TIPARP: variants seen among roughly 807,000 people sequenced by gnomAD.
TIPARP encodes protein mono-ADP-ribosyltransferase TIPARP.
Under a neutral mutation model 56.5 loss-of-function variants are expected in TIPARP, and 12 were observed. That is an observed-to-expected ratio of 0.21 (90% CI 0.14 to 0.34). TIPARP has a LOEUF of 0.34. Ranked by LOEUF, TIPARP falls within the 10% of genes least tolerant of loss-of-function variation. The probability of loss-of-function intolerance (pLI) is 1.00; values close to 1 mark genes in which losing one functional copy is unlikely to be tolerated. For synonymous variants in TIPARP, 296 were observed against 265.7 expected, an observed-to-expected ratio of 1.11 and a Z score of -1.11; for missense variants, 604 against 781.6, an observed-to-expected ratio of 0.77 and a Z score of 2.71.
chr3:156,702,217 A>G (rs1722867579), intron 4 of TIPARP, among the ~76,000 whole-genome samples: 1 of 152,192 alleles, frequency 6.6e-6, no homozygotes, highest in African/African-American at 2.4e-5. Context: ...GTATGAAATT[A>G]GAAACTATCT....
rs1722181913 is a variant in TIPARP at position 156,677,783 on chromosome 3, T to G, written c.86T>G (p.Leu29Arg). 1 of 1,614,028 alleles carries G rather than the reference T, an allele frequency of 6.2e-7. No individual in the cohort carries two copies. Among genetic ancestry groups the G allele is most frequent in the Non-Finnish European group, 8.5e-7 (1 of 1,180,042 alleles). Residue 29 changes from leucine (L) to arginine (R), a missense_variant, in exon 2 of 6, where the codon CTC becomes CGC. Physicochemically the swap from Leu to Arg is moderately radical, Grantham distance 102. Around this residue, in one of 4 missense-constraint regions of TIPARP, gnomAD observed 261 missense variants for 279.2 expected, o/e 0.93. Coordinates refer to ENST00000295924, the MANE Select transcript of TIPARP (RefSeq NM_015508.5). The part of the protein sequence containing the change: ...PPDDFSCQMR[L>R]SEKITPLKTC... ...GATGACTTTTCATGCCAAATGAGAC[T>G]CTCTGAGAAGATCACTCCATTGAAG... is the stretch of plus-strand genomic sequence containing the variant.
chr3:156,684,153 A>C (rs1047700396), intron 2 of TIPARP, among the ~76,000 whole-genome samples: 2 of 152,224 alleles, frequency 1.3e-5, no homozygotes, highest in African/African-American at 4.8e-5. Flanking sequence ...TTCAAATTGG[A>C]CACTGTAAAA....
chr3:156,681,846 G>A (rs1346031697), intron 2 of TIPARP, among the ~76,000 whole-genome samples: 2 of 151,826 alleles, frequency 1.3e-5, no homozygotes, highest in East Asian at 3.9e-4. Context: ...TAGATGCTGA[G>A]GCTTCTTTTT....
At position 156,678,100 on chromosome 3, in the gene TIPARP, G is replaced by A. The variant is rs1361728193; in HGVS notation, c.403G>A (p.Val135Ile). ...TTCCACTGAAGCTCCAGAACGAGTG[G>A]TTCCAATCCAAGATCACAGCTTTCC... is the stretch of plus-strand genomic sequence containing the variant. ...HPSTEAPERV[V>I]PIQDHSFPSE... The change falls in exon 2 of 6, where the codon GTT (valine) becomes ATT (isoleucine). Residue 135 changes from valine to isoleucine, a missense_variant. Transcript: ENST00000295924. The A allele has an allele frequency of 6.2e-7, 1 of 1,614,100 alleles. No homozygotes were observed. The highest frequency in any genetic ancestry group is 8.5e-7 in the Non-Finnish European group (1 of 1,180,030).
At position 156,705,236 on chromosome 3, in the gene TIPARP, G is replaced by A; in HGVS notation, c.*105G>A. The A allele has an allele frequency of 2.5e-6, 2 of 798,608 alleles. No individual in the cohort carries two copies. The highest frequency in any genetic ancestry group is 3.7e-5 in the South Asian group (2 of 53,510). The allele number at this position is 798,608 out of a possible 1,614,324, so 49.5% of individuals were successfully genotyped here. A position where few individuals can be genotyped will look rare whatever the true frequency, so the allele number is the denominator to read the frequency against. On this transcript the variant is annotated 3_prime_UTR_variant, in exon 6 of 6. Transcript: ENST00000295924. ...GGGGAACAGCATTGGACATTAATAG[G>A]GCACTTTTCAGACCCATTTTTTAAA...
chr3:156,693,606 G>A (rs1003566097), intron 2 of TIPARP, among the ~76,000 whole-genome samples: 3 of 152,048 alleles, frequency 2.0e-5, no homozygotes, highest in Admixed American at 6.6e-5. Context: ...CAAGTAAACT[G>A]ATGGCCTCTG....
At chr3:156,696,909 A>G (rs1722727742) in intron 4 of TIPARP, among the ~76,000 whole-genome samples, 1 of 152,110 alleles carries the variant, frequency 6.6e-6, no homozygotes. Context: ...TTATATTCCT[A>G]CTGTTTTTAT....
chr3:156,679,581 A>T (rs976318318), intron 2 of TIPARP, among the ~76,000 whole-genome samples: 1 of 152,232 alleles, frequency 6.6e-6, no homozygotes, highest in Non-Finnish European at 1.5e-5. Flanking sequence ...GATTAAAATT[A>T]AAAGGGAGAG....
chr3:156,677,889 A>G lies in TIPARP; in HGVS notation c.192A>G (p.Leu64=), dbSNP rs1476200949. The G allele has an allele frequency of 1.2e-6, 2 of 1,614,050 alleles. No individual in the cohort carries two copies. The highest frequency in any genetic ancestry group is 8.5e-7 in the Non-Finnish European group (1 of 1,180,040). ...TGAGGCCAATATTAAACACTCTTCT[A>G]GAATCTGGCTCACTTGATGGGGTTT... The part of the protein sequence containing the change: ...RSLRPILNTL[L]ESGSLDGVFR... The change falls in exon 2 of 6, where the codon CTA becomes CTG. Residue 64 remains leucine (L), a synonymous_variant. Coordinates refer to ENST00000295924, the MANE Select transcript of TIPARP (RefSeq NM_015508.5).
At chr3:156,700,089 A>G (rs923369452) in intron 4 of TIPARP, among the ~76,000 whole-genome samples, 3 of 151,438 alleles carry the variant, frequency 2.0e-5, no homozygotes, top group Non-Finnish European at 4.4e-5. Flanking sequence ...TTATTTTTTT[A>G]TTTTTTATTT....
chr3:156,704,207 CAGAA>C (rs377241001), intron 5 of TIPARP, among the ~76,000 whole-genome samples: 93 of 152,212 alleles, frequency 6.1e-4, no homozygotes, highest in African/African-American at 2.1e-3. Flanking sequence ...AACTGAGTCA[CAGAA>C]AGCTTACTTT....
In TIPARP at chr3:156,705,495, T is replaced by G. The variant is rs1458571483; in HGVS notation, c.*364T>G. The G allele has an allele frequency of 5.9e-6, 1 of 168,952 alleles. No individual in the cohort carries two copies. Among genetic ancestry groups the G allele is most frequent in the African/African-American group, 2.4e-5 (1 of 41,686 alleles). The allele number at this position is 168,952 out of a possible 1,614,324, so 10.5% of individuals were successfully genotyped here. ...CTGGTAGAAGTTTGACCAAATGGAA[T>G]GGAGGCTGTGAGCAATGTGAGGATT... On this transcript the variant is annotated 3_prime_UTR_variant, in exon 6 of 6. Coordinates refer to ENST00000295924, the MANE Select transcript of TIPARP (RefSeq NM_015508.5).
At position 156,705,154 on chromosome 3, in the gene TIPARP, A is replaced by C; in HGVS notation, c.*23A>C. ...TGAAAAATCTTGGTACTGCTAAATT[A>C]TTTGATATGAACTCAATCCAGCATT... On this transcript the variant is annotated 3_prime_UTR_variant, in exon 6 of 6. Transcript: ENST00000295924. 3 of 1,263,856 alleles carry C rather than the reference A, an allele frequency of 2.4e-6. No homozygotes were observed. Among genetic ancestry groups the C allele is most frequent in the Non-Finnish European group, 3.1e-6 (3 of 960,878 alleles). The allele number at this position is 1,263,856 out of a possible 1,614,324, so 78.3% of individuals were successfully genotyped here. A position where few individuals can be genotyped will look rare whatever the true frequency, so the allele number is the denominator to read the frequency against.
chr3:156,684,711 C>T (rs536114664), intron 2 of TIPARP, among the ~76,000 whole-genome samples: 2 of 152,282 alleles, frequency 1.3e-5, no homozygotes, highest in South Asian at 2.1e-4. Context: ...GGATTACAGG[C>T]GTGAGCCACT....
At chr3:156,693,959 T>C in intron 2 of TIPARP, 61 bp from the exon 3 acceptor site, 1 of 1,502,208 alleles carries the variant, frequency 6.7e-7, no homozygotes, top group Non-Finnish European at 8.9e-7. Context: ...TTTTTAGATA[T>C]TTCTGTTTTA....
chr3:156,675,915 T>C (rs1367945872), intron 1 of TIPARP: 1 of 152,282 alleles, frequency 6.6e-6, no homozygotes, highest in African/African-American at 2.4e-5. Flanking sequence ...TCTCCAGTTC[T>C]CTGCTTCTTC....
chr3:156,683,977 C>T (rs1339893685), intron 2 of TIPARP, among the ~76,000 whole-genome samples: 4 of 152,332 alleles, frequency 2.6e-5, no homozygotes, highest in African/African-American at 9.6e-5. Context: ...CTTAAGTCCT[C>T]TTAACCTTAG....
chr3:156,695,828 T>TTTTC, intron 3 of TIPARP, 37 bp from the exon 4 acceptor site: 1 of 1,113,096 alleles, frequency 9.0e-7, no homozygotes. Context: ...TAACTTTCCT[T>TTTTC]TTTTTTTTTT....
intron 2 of TIPARP, chr3:156,681,225 T>G (rs1046593211): frequency 2.2e-6 from 1 of 456,640 alleles, no homozygotes; most frequent in Admixed American, 2.3e-5. Flanking sequence ...GCTAAAGCTA[T>G]TAATCTCTGT....
Sources: allele counts gnomAD v4.1 joint callset (sites outside exome capture counted in the v4.1 genomes callset), GRCh38; gene constraint gnomAD v4.1.1; regional missense constraint gnomAD v4.1.1; transcripts MANE v1.5; gene names NCBI Gene and HGNC (gene_info 2026-07-23, HGNC 2026-07-21).